KATNAL1: variants seen among roughly 807,000 people sequenced by gnomAD.
KATNAL1 encodes the protein katanin p60 ATPase-containing subunit A-like 1.
In KATNAL1, 32 loss-of-function variants were observed where a neutral mutation model predicts 55.2. The observed-to-expected ratio is 0.58, with a 90% CI of 0.44 to 0.78. The LOEUF is 0.78. Ranked by LOEUF, KATNAL1 falls within the 30% of genes least tolerant of loss-of-function variation. The pLI is 0.00. For missense variants in KATNAL1, 466 were observed against 600.9 expected (o/e 0.78, Z 2.35); for synonymous variants, 193 against 193.6 (o/e 1.00, Z 0.02).
chr13:30,246,379 A>T (rs1423534972), intron 4 of KATNAL1, among the ~76,000 whole-genome samples: 1 of 152,224 alleles, frequency 6.6e-6, no homozygotes, highest in Non-Finnish European at 1.5e-5. Context: ...CTTACACCTT[A>T]TACCAAAATT....
intron 3 of KATNAL1, among the ~76,000 whole-genome samples, chr13:30,277,233 C>A (rs1566123808): frequency 6.6e-6 from 1 of 152,188 alleles, no homozygotes; most frequent in Admixed American, 6.5e-5. Flanking sequence ...CTTGCTATTT[C>A]TCTGAAAGAA....
chr13:30,210,866 C>T (rs1873629395), intron 9 of KATNAL1, among the ~76,000 whole-genome samples: 1 of 152,054 alleles, frequency 6.6e-6, no homozygotes, highest in African/African-American at 2.4e-5. Context: ...CTTTGCTCAC[C>T]TGTTAGTATG....
chr13:30,244,943 G>A (rs1009541730), intron 4 of KATNAL1, among the ~76,000 whole-genome samples: 5 of 151,622 alleles, frequency 3.3e-5, no homozygotes, highest in African/African-American at 4.9e-5. Context: ...AGGACCAGAC[G>A]GATTCACAGC....
chr13:30,214,652 C>G (rs1319400323), intron 9 of KATNAL1, among the ~76,000 whole-genome samples: 13 of 152,066 alleles, frequency 8.5e-5, no homozygotes, highest in Non-Finnish European at 1.6e-4. Context: ...TGACAAACCT[C>G]AGAAAAACAA....
At chr13:30,303,238 G>A (rs1882971981) in intron 1 of KATNAL1, among the ~76,000 whole-genome samples, 1 of 152,168 alleles carries the variant, frequency 6.6e-6, no homozygotes, top group South Asian at 2.1e-4. Flanking sequence ...ATCCAGTGAA[G>A]ATTAAACCAC....
At chr13:30,272,202 A>C (rs1371698208) in intron 3 of KATNAL1, among the ~76,000 whole-genome samples, 10 of 152,312 alleles carry the variant, frequency 6.6e-5, no homozygotes, top group South Asian at 4.1e-4. Flanking sequence ...GTTCGAGATC[A>C]GCCTGACTGA....
At chr13:30,270,617 A>G (rs1369900536) in intron 3 of KATNAL1, among the ~76,000 whole-genome samples, 1 of 151,720 alleles carries the variant, frequency 6.6e-6, no homozygotes, top group Non-Finnish European at 1.5e-5. Flanking sequence ...CTTACCCCCA[A>G]CCCTGTGCTC....
At chr13:30,284,659 C>G (rs141444206) in intron 1 of KATNAL1, among the ~76,000 whole-genome samples, 461 of 152,228 alleles carry the variant, frequency 3.0e-3, no homozygotes, top group South Asian at 0.02. Flanking sequence ...CTCTCTGAAC[C>G]CCAATTTGTA....
chr13:30,286,380 A>G (rs1474027956), intron 1 of KATNAL1, among the ~76,000 whole-genome samples: 1 of 152,218 alleles, frequency 6.6e-6, no homozygotes, highest in Non-Finnish European at 1.5e-5. Flanking sequence ...CAGCCACTCC[A>G]GCCATGGCTA....
chr13:30,274,907 G>GCACGCACACACA (rs1187805458), intron 3 of KATNAL1, among the ~76,000 whole-genome samples: 4 of 105,434 alleles, frequency 3.8e-5, no homozygotes, highest in African/African-American at 1.6e-4. Context: ...GCGCGCGCGC[G>GCACGCACACACA]CACACACACA....
chr13:30,273,320 T>C (rs1175518990), intron 3 of KATNAL1, among the ~76,000 whole-genome samples: 10 of 152,204 alleles, frequency 6.6e-5, no homozygotes, highest in Admixed American at 6.5e-5. Flanking sequence ...CATCATTCTC[T>C]ACCATTTCAC....
At chr13:30,252,288 G>A (rs1878391409) in intron 4 of KATNAL1, among the ~76,000 whole-genome samples, 1 of 152,120 alleles carries the variant, frequency 6.6e-6, no homozygotes, top group African/African-American at 2.4e-5. Flanking sequence ...GCTTCAAAAA[G>A]GATAAGTGCG....
chr13:30,273,749 A>G (rs1323754540), intron 3 of KATNAL1, among the ~76,000 whole-genome samples: 5 of 152,338 alleles, frequency 3.3e-5, no homozygotes, highest in African/African-American at 4.8e-5. Flanking sequence ...ATTCCATCAT[A>G]TAAAGAATGA....
intron 1 of KATNAL1, among the ~76,000 whole-genome samples, chr13:30,291,368 T>C (rs1271003004): frequency 6.6e-6 from 1 of 152,210 alleles, no homozygotes; most frequent in Non-Finnish European, 1.5e-5. Flanking sequence ...ACAAAATATG[T>C]GCAAGATCTG....
chr13:30,226,426 A>T (rs184905356), intron 9 of KATNAL1, among the ~76,000 whole-genome samples: 225 of 152,382 alleles, frequency 1.5e-3, no homozygotes, highest in African/African-American at 5.1e-3. Flanking sequence ...ACCAGGAATA[A>T]GCTGCTGATA....
chr13:30,306,526 T>TA (rs1157008270), intron 1 of KATNAL1, among the ~76,000 whole-genome samples: 1 of 152,160 alleles, frequency 6.6e-6, no homozygotes, highest in East Asian at 1.9e-4. Context: ...TGCAAAAAGT[T>TA]AAAAATGCCA....
At position 30,203,481 on chromosome 13, in the gene KATNAL1, T is replaced by C. The variant is rs1304358679; in HGVS notation, c.*5059A>G. The C allele has an allele frequency of 6.6e-6, 1 of 152,208 alleles. No individual in the cohort carries two copies. The highest frequency in any genetic ancestry group is 1.9e-4 in the East Asian group (1 of 5,202). The allele number at this position is 152,208 out of a possible 1,614,324, so 9.4% of individuals were successfully genotyped here. ...TCAGATATGGTAAAGTAAAAGTGCA[T>C]TTTATAGTTTCGAACAATCAAATGG... On this transcript the variant is annotated 3_prime_UTR_variant, in exon 11 of 11. Transcript: ENST00000380615.
At chr13:30,281,139 A>AG (rs1197256593) in intron 2 of KATNAL1, among the ~76,000 whole-genome samples, 12 of 144,422 alleles carry the variant, frequency 8.3e-5, no homozygotes, top group African/African-American at 3.1e-4. Flanking sequence ...AAAAAAAAAG[A>AG]AAAGAAAAGA....
chr13:30,259,865 CCCA>C (rs1879124460), intron 3 of KATNAL1, among the ~76,000 whole-genome samples: 1 of 152,206 alleles, frequency 6.6e-6, no homozygotes, highest in African/African-American at 2.4e-5. Flanking sequence ...CTGGGTGGAG[CCCA>C]CCACAACTCA....
Sources: allele counts gnomAD v4.1 joint callset (sites outside exome capture counted in the v4.1 genomes callset), GRCh38; gene constraint gnomAD v4.1.1; transcripts MANE v1.5; gene names NCBI Gene and HGNC (gene_info 2026-07-23, HGNC 2026-07-21).